The following PCNT variants were observed in gnomAD, a reference collection of about 807,000 sequenced individuals.
The protein encoded by PCNT is kendrin.
A neutral mutation model predicts 380.4 loss-of-function variants in PCNT; 319 were observed. The observed-to-expected ratio is 0.84, with a 90% CI of 0.77 to 0.92. The LOEUF is 0.92. Ranked by LOEUF, PCNT falls within the 40% of genes least tolerant of loss-of-function variation. PCNT has a pLI of 0.00. For missense variants in PCNT, 4,400 were observed against 4,255.3 expected (o/e 1.03, Z -0.95); for synonymous variants, 1,845 against 1,735.2 (o/e 1.06, Z -1.57).
intron 7 of PCNT, 74 bp from the exon 8 acceptor site, chr21:46,349,610 C>T: frequency 6.6e-7 from 1 of 1,503,938 alleles, no homozygotes; most frequent in Non-Finnish European, 9.3e-7. Context: ...CTGGGTGCAC[C>T]ATTATTGTCA....
At chr21:46,402,299 T>C (rs770573843) in intron 26 of PCNT, 32 bp from the exon 27 acceptor site, 1 of 1,460,194 alleles carries the variant, frequency 6.8e-7, no homozygotes, top group Admixed American at 1.7e-5. Context: ...TAGATGACTT[T>C]TAATACTTTT....
intron 32 of PCNT, among the ~76,000 whole-genome samples, chr21:46,423,659 G>A (rs1398894774): frequency 8.1e-6 from 1 of 123,930 alleles, no homozygotes; most frequent in Non-Finnish European, 1.7e-5. Flanking sequence ...GGCAGGAAAG[G>A]CCTCCTGTAG....
chr21:46,404,833 A>G (rs8131316), intron 27 of PCNT, among the ~76,000 whole-genome samples: 101,854 of 151,910 alleles, frequency 0.67, 34,845 homozygotes, highest in African/African-American at 0.79. Context: ...CACTCCGGAG[A>G]CTGAGGCAGG....
At chr21:46,441,422 G>C (rs1033381002) in intron 43 of PCNT, among the ~76,000 whole-genome samples, 1 of 152,188 alleles carries the variant, frequency 6.6e-6, no homozygotes. Context: ...CCTGCTCCCT[G>C]ATGCCACAGA....
rs1292668105 is a variant in PCNT, at chr21:46,425,881, A to T, written c.7230A>T (p.Ser2410=). 1.2e-6 allele frequency: 2 copies of T among 1,613,906 alleles called. No individual in the cohort carries two copies. The highest frequency in any genetic ancestry group is 1.7e-6 in the Non-Finnish European group (2 of 1,180,012). ...RDESHQILAL[S]EGLAPPSGEP... ...AGAGCCACCAGATCCTGGCGCTGTC[A>T]GAAGGCCTTGCACCCCCAAGCGGCG... The change falls in exon 33 of 47, where the codon TCA becomes TCT. Residue 2410 remains serine, a synonymous_variant. Transcript: ENST00000359568. This position sits in a 1 kb window ranked among gnomAD's most constrained non-coding sequence, Gnocchi z 4.2.
At chr21:46,342,287 A>G (rs2083930671) in intron 3 of PCNT, among the ~76,000 whole-genome samples, 1 of 151,948 alleles carries the variant, frequency 6.6e-6, no homozygotes, top group Admixed American at 6.6e-5. Context: ...TTGTATTTTT[A>G]GTAGAGACAG....
chr21:46,326,070 C>G (rs1023356260), intron 1 of PCNT, among the ~76,000 whole-genome samples: 4 of 152,284 alleles, frequency 2.6e-5, no homozygotes, highest in South Asian at 2.1e-4. Context: ...AGCTATCAAT[C>G]TTTTATACAA....
chr21:46,429,990 T>C lies in PCNT; in HGVS notation c.7691-20T>C, dbSNP rs187832327. 6 of 1,607,248 alleles carry C rather than the reference T, an allele frequency of 3.7e-6. No homozygotes were observed. The highest frequency in any genetic ancestry group is 5.1e-6 in the Non-Finnish European group (6 of 1,173,794). ...CGAGGAGCTCATGGGGGCCTGTTAC[T>C]GTTCTTTTGTCTTTCTCAGTTGAAC... On this transcript the variant is annotated intron_variant, in intron 35 of 46. Coordinates refer to ENST00000359568, the MANE Select transcript of PCNT (RefSeq NM_006031.6).
At position 46,437,053 on chromosome 21, in the gene PCNT, C is replaced by G. The variant is rs757148021; in HGVS notation, c.9071C>G (p.Ser3024Cys). The G allele has an allele frequency of 3.1e-6, 5 of 1,614,050 alleles. No homozygotes were observed. Among genetic ancestry groups the G allele is most frequent in the Non-Finnish European group, 4.2e-6 (5 of 1,179,922 alleles). ...SLLHTLEELK[S>C]DLSRPTSSQK... ...CTGCACACGTTGGAGGAGCTGAAGT[C>G]TGACTTGAGCAGGCCCACCTCCTCC... The change falls in exon 40 of 47, where the codon TCT (serine) becomes TGT (cysteine). Residue 3024 changes from serine (S) to cysteine (C), a missense_variant. Ser to Cys is a moderately radical substitution (Grantham distance 112). Coordinates refer to ENST00000359568, the MANE Select transcript of PCNT (RefSeq NM_006031.6).
At position 46,428,525 on chromosome 21, in the gene PCNT, T is replaced by TG; in HGVS notation, c.7626dup (p.Arg2543AlafsTer23). ...CAGAACCAGGAGAAGCTGCAGCACTTGCGCACGGCGCTGACAAGCGCAGAG... is the reference window on the plus strand; with the variant it reads ...CAGAACCAGGAGAAGCTGCAGCACTTGGCGCACGGCGCTGACAAGCGCAGAG... On this transcript the variant is annotated frameshift_variant, in exon 35 of 47. Coordinates refer to ENST00000359568, the MANE Select transcript of PCNT (RefSeq NM_006031.6). LOFTEE classifies it high-confidence loss of function. 2 of 1,611,174 alleles carry TG rather than the reference T, an allele frequency of 1.2e-6. No homozygotes were observed. Among genetic ancestry groups the TG allele is most frequent in the Non-Finnish European group, 1.7e-6 (2 of 1,179,688 alleles).
intron 15 of PCNT, among the ~76,000 whole-genome samples, chr21:46,377,514 C>T (rs2085367275): frequency 6.6e-6 from 1 of 152,132 alleles, no homozygotes; most frequent in African/African-American, 2.4e-5. Flanking sequence ...ACCTTTTCTA[C>T]CAAGAATCTG....
At chr21:46,375,248 C>T (rs935080341) in intron 15 of PCNT, among the ~76,000 whole-genome samples, 4 of 152,078 alleles carry the variant, frequency 2.6e-5, no homozygotes, top group Non-Finnish European at 4.4e-5. Context: ...ATGCTCAAGG[C>T]GGTGTCATCT....
At chr21:46,368,478 A>T (rs968345339) in intron 15 of PCNT, among the ~76,000 whole-genome samples, 4 of 151,596 alleles carry the variant, frequency 2.6e-5, no homozygotes, top group Non-Finnish European at 1.5e-5. Context: ...GGTTCATTTG[A>T]CAGGCACTTC....
In PCNT at chr21:46,416,813, G is replaced by A. The variant is rs150156962; in HGVS notation, c.6895G>A (p.Asp2299Asn). 369 of 1,598,572 alleles carry A rather than the reference G, an allele frequency of 2.3e-4. 1 individual carries two copies. Among genetic ancestry groups the A allele is most frequent in the Non-Finnish European group, 2.8e-4 (335 of 1,179,532 alleles). The change falls in exon 30 of 47, where the codon GAC (aspartate) becomes AAC (asparagine). Residue 2299 changes from aspartate to asparagine, a missense_variant. By Grantham distance (23) the Asp-to-Asn change is conservative. Coordinates refer to ENST00000359568, the MANE Select transcript of PCNT (RefSeq NM_006031.6). Reference sequence around the variant, plus strand: ...GTGGGCCGAGTCTCCGCCGGCTGACGACCACCATGTGCAGAGGACGGCTGT... The same window carrying A: ...GTGGGCCGAGTCTCCGCCGGCTGACAACCACCATGTGCAGAGGACGGCTGT... Reference protein sequence around the residue: ...LQWAESPPADDHHVQRTAVEK... With the variant: ...LQWAESPPADNHHVQRTAVEK...
At chr21:46,403,505 G>GTT (rs1569258879) in intron 27 of PCNT, among the ~76,000 whole-genome samples, 1 of 129,886 alleles carries the variant, frequency 7.7e-6, no homozygotes, top group Non-Finnish European at 1.7e-5. Context: ...AATTGTGTGT[G>GTT]TGGTGCCCAC....
rs138588682 is a variant in PCNT, at chr21:46,425,932, C to T, written c.7281C>T (p.Asp2427=). The change falls in exon 33 of 47, where the codon GAC becomes GAT. Residue 2427 remains aspartate (D), a synonymous_variant. Coordinates refer to ENST00000359568, the MANE Select transcript of PCNT (RefSeq NM_006031.6). The surrounding 1 kb of genome is among the most constrained non-coding windows in gnomAD (Gnocchi z 4.2). ...AGCCACACCCACCCCGGAAGGAAGA[C>T]GAGATACAGGACATCTCGCTCCATG... The part of the protein sequence containing the change: ...SGEPHPPRKE[D]EIQDISLHGG... The T allele has an allele frequency of 3.3e-4, 531 of 1,614,058 alleles. 8 individuals are homozygous for T. The Admixed American group carries it at 7.8e-3, about 24-fold the overall frequency.
At chr21:46,346,391 G>T (rs933007070) in intron 4 of PCNT, among the ~76,000 whole-genome samples, 183 bp downstream of exon 4, 1 of 152,154 alleles carries the variant, frequency 6.6e-6, no homozygotes, top group Non-Finnish European at 1.5e-5. Context: ...GGATGCTGGG[G>T]GTCAGGGGGC....
chr21:46,429,896 T>G, intron 35 of PCNT, 114 bp from the exon 36 acceptor site: 1 of 789,574 alleles, frequency 1.3e-6, no homozygotes, highest in Non-Finnish European at 2.1e-6. Context: ...AGAACCTCCT[T>G]TCTTCCCGAA....
chr21:46,428,934 GA>G (rs58117336), intron 35 of PCNT, among the ~76,000 whole-genome samples: 19,528 of 152,242 alleles, frequency 0.13, 3,512 homozygotes, highest in African/African-American at 0.41. Flanking sequence ...TTTTTATGTA[GA>G]TGCTCAGGTC....
Sources: gnomAD v4.1 joint callset for allele counts (sites outside exome capture counted in the v4.1 genomes callset) on GRCh38, gnomAD v4.1.1 for gene constraint, Gnocchi (gnomAD v3.1) non-coding constraint, MANE v1.5 for transcripts, NCBI Gene and HGNC (gene_info 2026-07-23, HGNC 2026-07-21) for gene names.